Variants in RNF150 observed in about 807,000 individuals in gnomAD.
RNF150 encodes the protein ring finger protein 150.
RNF150 carries 24 observed loss-of-function variants against 39.3 expected under a neutral mutation model. That is an observed-to-expected ratio of 0.61 (90% CI 0.44 to 0.86). The LOEUF (loss-of-function observed/expected upper bound fraction) is 0.86, where lower values mean the gene tolerates loss of function less well. RNF150 is among the 40% of genes least tolerant of loss of function. The pLI is 0.00. For synonymous variants in RNF150, 255 were observed against 227.3 expected, an observed-to-expected ratio of 1.12 and a Z score of -1.10; for missense variants, 502 against 587.8, an observed-to-expected ratio of 0.85 and a Z score of 1.51.
In RNF150 at chr4:140,860,276, T is replaced by A. The variant is rs1167494455; in HGVS notation, c.*7985A>T. On this transcript the variant is annotated 3_prime_UTR_variant, in exon 7 of 7. Coordinates refer to ENST00000515673, the MANE Select transcript of RNF150 (RefSeq NM_020724.2). ...TAAAAAACTACACTGCCTTAACTAA[T>A]CATCTCAATATGCACACAACTTTGT... The A allele has an allele frequency of 2.0e-5, 3 of 152,114 alleles. No individual in the cohort carries two copies. Among genetic ancestry groups the A allele is most frequent in the African/African-American group, 7.2e-5 (3 of 41,434 alleles). 9.4% of individuals were successfully genotyped at this position (152,114 alleles called of 1,614,324 possible).
At chr4:140,983,779 G>A (rs1175672232) in intron 1 of RNF150, among the ~76,000 whole-genome samples, 1 of 136,270 alleles carries the variant, frequency 7.3e-6, no homozygotes, top group Admixed American at 7.8e-5. Context: ...TCACTCTGTT[G>A]ACCAGGCTGA....
At chr4:141,212,175 A>G (rs866121124) in intron 1 of RNF150, among the ~76,000 whole-genome samples, 14 of 152,286 alleles carry the variant, frequency 9.2e-5, no homozygotes, top group African/African-American at 2.2e-4. Context: ...TAAAAGGTAA[A>G]TAGTAGGCTA....
At chr4:141,082,641 T>G (rs992508005) in intron 1 of RNF150, among the ~76,000 whole-genome samples, 1 of 151,708 alleles carries the variant, frequency 6.6e-6, no homozygotes. Context: ...CAGGCTGGAG[T>G]GCAGTGGCGG....
chr4:140,879,664 G>GA (rs59795475), intron 6 of RNF150, among the ~76,000 whole-genome samples: 3 of 151,586 alleles, frequency 2.0e-5, no homozygotes, highest in Admixed American at 6.6e-5. Context: ...CTCTACAGAT[G>GA]AAAAAAAACT....
At chr4:141,081,150 A>ACTT (rs1456867960) in intron 1 of RNF150, among the ~76,000 whole-genome samples, 1 of 152,202 alleles carries the variant, frequency 6.6e-6, no homozygotes, top group Non-Finnish European at 1.5e-5. Flanking sequence ...GTCCAGGGCT[A>ACTT]AGGACATGTC....
intron 1 of RNF150, among the ~76,000 whole-genome samples, chr4:140,985,756 C>T (rs1018236683): frequency 6.6e-6 from 1 of 151,968 alleles, no homozygotes; most frequent in African/African-American, 2.4e-5. Flanking sequence ...TTTGAAATGA[C>T]ATTTTGGATA....
chr4:141,019,554 C>T (rs1280701711), intron 1 of RNF150, among the ~76,000 whole-genome samples: 1 of 152,054 alleles, frequency 6.6e-6, no homozygotes, highest in Non-Finnish European at 1.5e-5. Context: ...ATGTGCTAAA[C>T]TTTCGTTATT....
chr4:140,916,538 T>A (rs547216883), intron 5 of RNF150, among the ~76,000 whole-genome samples: 5 of 152,326 alleles, frequency 3.3e-5, no homozygotes, highest in African/African-American at 1.2e-4. Flanking sequence ...AATATGGGAC[T>A]ATGTGAAAAG....
In RNF150 at chr4:140,869,097, C is replaced by T. The variant is rs1016751974; in HGVS notation, c.1199-718G>A. 4.6e-5 allele frequency among the ~76,000 whole-genome samples: 7 copies of T among 152,258 alleles called. No homozygotes were observed. The East Asian group carries it at 1.2e-3, about 25-fold the overall frequency. ...TAGAGAAATAACTGGAGATGCAAAACTATTCAATTAAGCATGATTTACAGT... is the reference window on the plus strand; with the variant it reads ...TAGAGAAATAACTGGAGATGCAAAATTATTCAATTAAGCATGATTTACAGT... On this transcript the variant is annotated intron_variant, in intron 6 of 6. Transcript: ENST00000515673.
chr4:141,195,720 T>C (rs1240378195), intron 1 of RNF150, among the ~76,000 whole-genome samples: 2 of 152,240 alleles, frequency 1.3e-5, no homozygotes, highest in Non-Finnish European at 2.9e-5. Flanking sequence ...AGAAAGATTT[T>C]ATGCAATGTT....
At chr4:141,204,081 GT>G (rs1003326157) in intron 1 of RNF150, among the ~76,000 whole-genome samples, 1 of 152,144 alleles carries the variant, frequency 6.6e-6, no homozygotes, top group African/African-American at 2.4e-5. Flanking sequence ...AAATTTCCTG[GT>G]TTTAAAGGAA....
intron 2 of RNF150, among the ~76,000 whole-genome samples, chr4:140,960,877 C>T (rs10013093): frequency 0.059 from 8,979 of 152,144 alleles, 731 homozygotes; most frequent in African/African-American, 0.18. Flanking sequence ...ATCCACTAAA[C>T]GTGACCCATT....
chr4:141,198,968 A>G (rs1382041771), intron 1 of RNF150, among the ~76,000 whole-genome samples: 1 of 152,242 alleles, frequency 6.6e-6, no homozygotes, highest in Non-Finnish European at 1.5e-5. Flanking sequence ...TTTGCAAATC[A>G]TATTATCTGG....
In RNF150 at chr4:141,003,055, G is replaced by A. The variant is rs138837660; in HGVS notation, c.485-35182C>T. On this transcript the variant is annotated intron_variant, in intron 1 of 6. Coordinates refer to ENST00000515673, the MANE Select transcript of RNF150 (RefSeq NM_020724.2). ...TTGCCACCACTACTGTAAAGTGATT[G>A]TAATTAATTTACAGACTCAGCTTCT... 3.2e-3 allele frequency among the ~76,000 whole-genome samples: 484 copies of A among 152,182 alleles called. 2 individuals carry two copies. Among genetic ancestry groups the A allele is most frequent in the African/African-American group, 0.011 (467 of 41,510 alleles).
intron 1 of RNF150, among the ~76,000 whole-genome samples, chr4:141,113,112 G>C (rs2111065993): frequency 6.6e-6 from 1 of 152,008 alleles, no homozygotes; most frequent in East Asian, 1.9e-4. Flanking sequence ...GGTTATTCTA[G>C]TTAGCAATTC....
rs114368622 is a variant in RNF150 at position 141,196,336 on chromosome 4, C to A, written c.-6+16458G>T. On this transcript the variant is annotated intron_variant, in intron 1 of 7. Coordinates refer to the RNF150 transcript ENST00000420921. ...TCTTTCTATAGCAAAGGGAGGAGGG[C>A]AAATGACCCACACTACATCAGTTAG... Among the ~76,000 whole-genome samples, 236 of 152,246 alleles carry A rather than the reference C, an allele frequency of 1.6e-3. 1 individual carries two copies. The highest frequency in any genetic ancestry group is 5.3e-3 in the African/African-American group (220 of 41,556).
At chr4:141,157,326 A>T (rs1299809964) in intron 1 of RNF150, among the ~76,000 whole-genome samples, 2 of 152,176 alleles carry the variant, frequency 1.3e-5, no homozygotes, top group South Asian at 4.1e-4. Flanking sequence ...AAGATGTCAG[A>T]TCCCTTTGGC....
intron 1 of RNF150, among the ~76,000 whole-genome samples, chr4:141,188,575 T>G (rs1728053533): frequency 6.6e-6 from 1 of 152,218 alleles, no homozygotes. Context: ...TAATCTTGTC[T>G]TCATGCTTTT....
intron 6 of RNF150, among the ~76,000 whole-genome samples, chr4:140,894,472 C>A (rs901509276): frequency 2.0e-5 from 3 of 152,156 alleles, no homozygotes; most frequent in Non-Finnish European, 4.4e-5. Flanking sequence ...AAGGATCATG[C>A]TGCTGCTTTT....
Sources: allele counts gnomAD v4.1 joint callset (sites outside exome capture counted in the v4.1 genomes callset), GRCh38; gene constraint gnomAD v4.1.1; transcripts MANE v1.5; gene names NCBI Gene and HGNC (gene_info 2026-07-23, HGNC 2026-07-21).